The following CAMK2D variants were observed in gnomAD, a reference collection of about 807,000 sequenced individuals.
CAMK2D encodes calcium/calmodulin-dependent protein kinase type II subunit delta.
A neutral mutation model predicts 84.0 loss-of-function variants in CAMK2D; 37 were observed. The observed-to-expected ratio is 0.44, with a 90% CI of 0.34 to 0.58. CAMK2D has a LOEUF of 0.58. Among genes scored for constraint, CAMK2D ranks in the 20% least tolerant of loss-of-function variants. The pLI, the probability that CAMK2D is intolerant of heterozygous loss-of-function variation, is 0.02. For missense variants in CAMK2D, 448 were observed against 652.5 expected, an observed-to-expected ratio of 0.69 and a Z score of 3.41; for synonymous variants, 202 against 212.5, an observed-to-expected ratio of 0.95 and a Z score of 0.43.
In CAMK2D at chr4:113,705,480, T is replaced by C. The variant is rs78117714; in HGVS notation, c.161-43708A>G. Among the ~76,000 whole-genome samples, 1,155 of 152,224 alleles carry C rather than the reference T, an allele frequency of 7.6e-3. 12 individuals carry two copies. Among genetic ancestry groups the C allele is most frequent in the Admixed American group, 0.024 (366 of 15,286 alleles). ...CACACAAGGAACCACCCAAAGGCCT[T>C]TGCATTTGCTTTTAAAAGGTAGCCA... On this transcript the variant is annotated intron_variant, in intron 2 of 20. Coordinates refer to ENST00000511664, the MANE Select transcript of CAMK2D (RefSeq NM_001321571.2).
intron 2 of CAMK2D, among the ~76,000 whole-genome samples, chr4:113,728,492 G>A (rs1487739249): frequency 1.3e-5 from 2 of 152,194 alleles, no homozygotes; most frequent in Non-Finnish European, 2.9e-5. Flanking sequence ...GAGCATGAAG[G>A]AACATTCTGT....
rs571136932 is a variant in CAMK2D, at chr4:113,676,192, G to A, written c.161-14420C>T. On this transcript the variant is annotated intron_variant, in intron 2 of 20. Transcript: ENST00000511664. ...CACTGAAAGTTTGCCAACATTCTGG[G>A]CTATTTCAACAGACACAAGGATAAC... Among the ~76,000 whole-genome samples the A allele has an allele frequency of 3.9e-5, 6 of 152,176 alleles. No homozygotes were observed. The South Asian group carries it at 1.2e-3, about 32-fold the overall frequency.
At chr4:113,718,543 G>T (rs1049555255) in intron 2 of CAMK2D, among the ~76,000 whole-genome samples, 1 of 152,200 alleles carries the variant, frequency 6.6e-6, no homozygotes, top group Non-Finnish European at 1.5e-5. Flanking sequence ...TTAGAATCTT[G>T]CAGCCTCCAA....
At chr4:113,696,013 C>G (rs57905144) in intron 2 of CAMK2D, among the ~76,000 whole-genome samples, 3 of 152,200 alleles carry the variant, frequency 2.0e-5, no homozygotes, top group African/African-American at 7.2e-5. Flanking sequence ...ATGCTACTAA[C>G]TCAGGACCTT....
chr4:113,615,000 T>C (rs943741665), intron 3 of CAMK2D, among the ~76,000 whole-genome samples: 1 of 152,188 alleles, frequency 6.6e-6, no homozygotes, highest in African/African-American at 2.4e-5. Flanking sequence ...AATCATTGTT[T>C]GTCAGCTCTG....
chr4:113,731,719 G>A (rs1232164613), intron 2 of CAMK2D, among the ~76,000 whole-genome samples: 2 of 151,854 alleles, frequency 1.3e-5, no homozygotes, highest in Admixed American at 6.6e-5. Context: ...CTGAGTAGGT[G>A]GGACTACAGG....
chr4:113,714,733 A>C (rs2099508339), intron 2 of CAMK2D, among the ~76,000 whole-genome samples: 1 of 152,106 alleles, frequency 6.6e-6, no homozygotes, highest in Non-Finnish European at 1.5e-5. Context: ...CATAGTATGT[A>C]AGCATTTAGA....
chr4:113,672,952 C>T (rs2099297991), intron 2 of CAMK2D, among the ~76,000 whole-genome samples: 1 of 152,032 alleles, frequency 6.6e-6, no homozygotes, highest in South Asian at 2.1e-4. Context: ...TAGCTGAAAC[C>T]TTGAAGGCTA....
At chr4:113,681,957 T>A (rs1388299142) in intron 2 of CAMK2D, among the ~76,000 whole-genome samples, 1 of 152,156 alleles carries the variant, frequency 6.6e-6, no homozygotes, top group Non-Finnish European at 1.5e-5. Context: ...AAAGTATGTC[T>A]GTACTCAAAA....
rs977435672 is a variant in CAMK2D, at chr4:113,520,477, T to A, written c.602-2820A>T. On this transcript the variant is annotated intron_variant, in intron 8 of 20. Coordinates refer to ENST00000511664, the MANE Select transcript of CAMK2D (RefSeq NM_001321571.2). ...TTGTTCTAATTGAGTTCTTGCCTCATGAGTAAGCCCAATTTATCTTTTTAA... is the reference window on the plus strand; with the variant it reads ...TTGTTCTAATTGAGTTCTTGCCTCAAGAGTAAGCCCAATTTATCTTTTTAA... Among the ~76,000 whole-genome samples the A allele has an allele frequency of 2.0e-5, 3 of 152,228 alleles. No homozygotes were observed. The East Asian group carries it at 5.8e-4, about 29-fold the overall frequency.
chr4:113,607,175 T>C (rs945234769), intron 4 of CAMK2D, among the ~76,000 whole-genome samples: 1 of 151,174 alleles, frequency 6.6e-6, no homozygotes, highest in African/African-American at 2.4e-5. Context: ...ACTCAAACAT[T>C]GGAAAGGAAG....
At chr4:113,648,894 C>T (rs2099161923) in intron 3 of CAMK2D, among the ~76,000 whole-genome samples, 1 of 151,974 alleles carries the variant, frequency 6.6e-6, no homozygotes, top group Non-Finnish European at 1.5e-5. Context: ...TGTCCATGTT[C>T]CCCCATAATG....
intron 4 of CAMK2D, among the ~76,000 whole-genome samples, chr4:113,568,367 T>C (rs1296973137): frequency 1.3e-5 from 2 of 152,240 alleles, no homozygotes; most frequent in Admixed American, 6.5e-5. Flanking sequence ...CTTAGCCTAA[T>C]GTTTTCAAGG....
chr4:113,542,118 T>G (rs1010375693), intron 6 of CAMK2D, among the ~76,000 whole-genome samples: 5 of 152,200 alleles, frequency 3.3e-5, no homozygotes, highest in African/African-American at 1.2e-4. Flanking sequence ...CAGCACACAC[T>G]GCTGGGTAGA....
At chr4:113,708,684 A>G (rs2099472765) in intron 2 of CAMK2D, among the ~76,000 whole-genome samples, 1 of 152,148 alleles carries the variant, frequency 6.6e-6, no homozygotes, top group African/African-American at 2.4e-5. Flanking sequence ...ATCAAACTGA[A>G]CACGTTTTCT....
At chr4:113,687,401 G>A (rs2099363051) in intron 2 of CAMK2D, among the ~76,000 whole-genome samples, 1 of 152,112 alleles carries the variant, frequency 6.6e-6, no homozygotes, top group Admixed American at 6.5e-5. Context: ...CTCTTCTTAA[G>A]GGCAAGCGAG....
intron 2 of CAMK2D, among the ~76,000 whole-genome samples, chr4:113,697,348 C>A (rs1188003115): frequency 2.0e-5 from 3 of 151,872 alleles, no homozygotes; most frequent in African/African-American, 4.8e-5. Flanking sequence ...AAGAAACCAG[C>A]CTAAATAGAT....
intron 8 of CAMK2D, among the ~76,000 whole-genome samples, chr4:113,524,381 CATA>C (rs947924955): frequency 1.3e-5 from 2 of 152,086 alleles, no homozygotes; most frequent in African/African-American, 2.4e-5. Flanking sequence ...TGAGTAGAAT[CATA>C]ATAATATTTG....
chr4:113,541,249 C>A (rs2098528228), intron 6 of CAMK2D, among the ~76,000 whole-genome samples: 1 of 152,092 alleles, frequency 6.6e-6, no homozygotes, highest in Non-Finnish European at 1.5e-5. Flanking sequence ...GAAGCTGAGA[C>A]CTGAAGCTAG....
Sources: gnomAD v4.1 joint callset for allele counts (sites outside exome capture counted in the v4.1 genomes callset) on GRCh38, gnomAD v4.1.1 for gene constraint, MANE v1.5 for transcripts, NCBI Gene and HGNC (gene_info 2026-07-23, HGNC 2026-07-21) for gene names.